The following RBFOX1 variants were observed in gnomAD, a reference collection of about 807,000 sequenced individuals.
RBFOX1 encodes the protein RNA binding fox-1 homolog 1, also known as RNA binding protein fox-1 homolog 1.
RBFOX1 carries 8 observed loss-of-function variants against 57.7 expected under a neutral mutation model. The observed-to-expected ratio is 0.14, with a 90% CI of 0.08 to 0.25. RBFOX1 has a LOEUF of 0.25. Ranked by LOEUF, RBFOX1 falls within the 10% of genes least tolerant of loss-of-function variation. The probability of loss-of-function intolerance (pLI) is 1.00; values close to 1 mark genes in which losing one functional copy is unlikely to be tolerated. For missense variants in RBFOX1, 611 were observed against 548.5 expected, an observed-to-expected ratio of 1.11 and a Z score of -1.14; for synonymous variants, 326 against 222.4, an observed-to-expected ratio of 1.47 and a Z score of -4.15.
At chr16:6,668,656 T>C (rs1442513361) in intron 3 of RBFOX1, among the ~76,000 whole-genome samples, 4 of 152,196 alleles carry the variant, frequency 2.6e-5, no homozygotes, top group African/African-American at 9.6e-5. Context: ...TAACTAGGGT[T>C]ATGTTTTGAT....
At chr16:7,393,071 A>G (rs8054938) in intron 4 of RBFOX1, among the ~76,000 whole-genome samples, 12,327 of 152,066 alleles carry the variant, frequency 0.081, 534 homozygotes, top group East Asian at 0.2. Context: ...ACAGGGTTTC[A>G]CCATGTTGGC....
chr16:6,060,782 AC>A (rs2095675489), intron 1 of RBFOX1, among the ~76,000 whole-genome samples: 2 of 152,212 alleles, frequency 1.3e-5, no homozygotes, highest in South Asian at 4.1e-4. Flanking sequence ...TCACACAGTT[AC>A]CCCAGAAGAA....
chr16:7,004,326 GTAT>G (rs2093110685), intron 3 of RBFOX1, among the ~76,000 whole-genome samples: 1 of 152,120 alleles, frequency 6.6e-6, no homozygotes, highest in South Asian at 2.1e-4. Context: ...TTATATTTGT[GTAT>G]TAAACTCCTC....
At chr16:7,466,747 C>G (rs914256121) in intron 4 of RBFOX1, among the ~76,000 whole-genome samples, 1 of 152,192 alleles carries the variant, frequency 6.6e-6, no homozygotes, top group East Asian at 1.9e-4. Context: ...CCACATCATT[C>G]CTAGGTGTGT....
intron 1 of RBFOX1, among the ~76,000 whole-genome samples, chr16:6,079,096 G>T (rs1231724823): frequency 2.6e-5 from 4 of 152,084 alleles, no homozygotes; most frequent in South Asian, 2.1e-4. Flanking sequence ...ATCACTTGAG[G>T]TCAGGAGTTC....
intron 14 of RBFOX1, among the ~76,000 whole-genome samples, chr16:7,708,747 A>G (rs569243254): frequency 6.6e-6 from 1 of 152,178 alleles, no homozygotes; most frequent in East Asian, 1.9e-4. Context: ...TACCTACCTC[A>G]GTCTCTAAGG....
At chr16:7,453,263 C>T (rs556934943) in intron 4 of RBFOX1, among the ~76,000 whole-genome samples, 1 of 152,060 alleles carries the variant, frequency 6.6e-6, no homozygotes, top group East Asian at 1.9e-4. Context: ...ATGAGAGTAG[C>T]ATTCCAGGCT....
chr16:6,468,531 A>G (rs865921588), intron 2 of RBFOX1, among the ~76,000 whole-genome samples: 8 of 152,322 alleles, frequency 5.3e-5, no homozygotes, highest in African/African-American at 1.9e-4. Flanking sequence ...TGAAATTGGT[A>G]TAGCACCTTC....
chr16:7,481,306 A>G (rs1304848323), intron 4 of RBFOX1, among the ~76,000 whole-genome samples: 3 of 152,238 alleles, frequency 2.0e-5, no homozygotes, highest in South Asian at 2.1e-4. Flanking sequence ...CGCATTATCT[A>G]TATAATGTGT....
At chr16:6,794,516 A>G (rs55661249) in intron 3 of RBFOX1, among the ~76,000 whole-genome samples, 14,498 of 152,056 alleles carry the variant, frequency 0.095, 937 homozygotes, top group African/African-American at 0.17. Context: ...ACATATGGTC[A>G]TTTTATAAGT....
intron 4 of RBFOX1, among the ~76,000 whole-genome samples, chr16:5,879,685 A>G (rs2151915417): frequency 6.6e-6 from 1 of 152,294 alleles, no homozygotes; most frequent in South Asian, 2.1e-4. Context: ...TGCAAGTAAC[A>G]AGTTAACCAT....
chr16:6,752,027 G>C (rs543725443), intron 3 of RBFOX1, among the ~76,000 whole-genome samples: 1 of 152,116 alleles, frequency 6.6e-6, no homozygotes, highest in Non-Finnish European at 1.5e-5. Flanking sequence ...TCAGTAACAA[G>C]TTACCACTGC....
At chr16:7,698,377 G>C (rs752992670) in intron 14 of RBFOX1, among the ~76,000 whole-genome samples, 2 of 151,994 alleles carry the variant, frequency 1.3e-5, no homozygotes, top group African/African-American at 4.8e-5. Flanking sequence ...GGTAGGGTCT[G>C]CAAGAAAGCC....
intron 4 of RBFOX1, among the ~76,000 whole-genome samples, chr16:7,153,785 C>T (rs1302369761): frequency 6.6e-6 from 1 of 151,070 alleles, no homozygotes; most frequent in East Asian, 1.9e-4. Context: ...TATTGTTCTG[C>T]TTGTTTTCAG....
intron 3 of RBFOX1, among the ~76,000 whole-genome samples, chr16:6,886,187 G>A (rs568929353): frequency 6.6e-6 from 1 of 151,326 alleles, no homozygotes; most frequent in East Asian, 2.0e-4. Context: ...TCAGCCTCCT[G>A]AGTAGCTGGG....
At chr16:7,654,031 G>C (rs1419442563) in intron 12 of RBFOX1, 84 bp downstream of exon 12, 8 of 1,377,978 alleles carry the variant, frequency 5.8e-6, no homozygotes, top group Admixed American at 3.0e-5. Context: ...AGCGCATGAT[G>C]GTCTTGACTC....
At chr16:6,484,052 C>A (rs2095421638) in intron 2 of RBFOX1, 5 of 542,852 alleles carry the variant, frequency 9.2e-6, no homozygotes, top group Non-Finnish European at 1.2e-5. Context: ...CCCGGAGATG[C>A]ATCGATTTTC....
chr16:7,266,850 A>C (rs1207669684), intron 4 of RBFOX1, among the ~76,000 whole-genome samples: 1 of 152,156 alleles, frequency 6.6e-6, no homozygotes, highest in Admixed American at 6.5e-5. Flanking sequence ...GTTTTCAGGG[A>C]AGGCCTGTTT....
intron 4 of RBFOX1, among the ~76,000 whole-genome samples, chr16:7,372,936 ATTT>A (rs137947158): frequency 6.8e-6 from 1 of 146,814 alleles, no homozygotes; most frequent in East Asian, 2.0e-4. Context: ...TAGAAATTGC[ATTT>A]TTTTTTTTTT....
Sources: gnomAD v4.1 joint callset for allele counts (sites outside exome capture counted in the v4.1 genomes callset) on GRCh38, gnomAD v4.1.1 for gene constraint, MANE v1.5 for transcripts, NCBI Gene and HGNC (gene_info 2026-07-23, HGNC 2026-07-21) for gene names.